TRIM49: variants seen among roughly 807,000 people sequenced by gnomAD.
The protein encoded by TRIM49 is tripartite motif-containing protein 49.
A neutral mutation model predicts 27.4 loss-of-function variants in TRIM49; 5 were observed. The ratio of observed to expected loss-of-function variants is 0.18; its 90% confidence interval spans 0.10 to 0.38. TRIM49 has a LOEUF of 0.38. Among genes scored for constraint, TRIM49 ranks in the 10% least tolerant of loss-of-function variants. The pLI is 1.00. For synonymous variants in TRIM49, 69 were observed against 166.0 expected, an observed-to-expected ratio of 0.42 and a Z score of 4.49; for missense variants, 188 against 487.5, an observed-to-expected ratio of 0.39 and a Z score of 5.79.
chr11:89,800,599 C>T (rs1464497884), intron 6 of TRIM49, among the ~76,000 whole-genome samples: 5 of 150,198 alleles, frequency 3.3e-5, no homozygotes, highest in Non-Finnish European at 5.9e-5. Context: ...AAAAATTAGC[C>T]GGGTGTGGTG....
At chr11:89,791,547 G>A in the TRIM49 span, among the ~76,000 whole-genome samples, 49 of 150,714 alleles carry the variant, frequency 3.3e-4, no homozygotes, top group African/African-American at 1.1e-3. Context: ...CAGAGCTCTC[G>A]GCAGAAACTC....
chr11:89,770,782 C>G, the TRIM49 span, among the ~76,000 whole-genome samples: 1 of 143,700 alleles, frequency 7.0e-6, no homozygotes, highest in African/African-American at 2.8e-5. Context: ...AGGAGAATGG[C>G]GTGAACCCGG....
At chr11:89,797,099 T>C (rs1359794026), downstream of TRIM49, among the ~76,000 whole-genome samples, 1 of 152,070 alleles carries the variant, frequency 6.6e-6, no homozygotes, top group Admixed American at 6.5e-5. Flanking sequence ...GTACAACTGG[T>C]GGATTAATTC....
chr11:89,790,242 T>C, the TRIM49 span, among the ~76,000 whole-genome samples: 1 of 135,398 alleles, frequency 7.4e-6, no homozygotes, highest in Non-Finnish European at 1.6e-5. Flanking sequence ...CTTGAGTATG[T>C]AAACAAAGTG....
chr11:89,795,653 T>G (rs1267635361), downstream of TRIM49, among the ~76,000 whole-genome samples: 17 of 127,254 alleles, frequency 1.3e-4, no homozygotes, highest in Admixed American at 1.4e-3. Flanking sequence ...AAACGAACAG[T>G]GCATATTCTC....
Position 89,801,007 on chromosome 11 carries a change from A to T in TRIM49, c.739-19T>A, listed in dbSNP as rs774210626. On this transcript the variant is annotated intron_variant, in intron 5 of 7. Transcript: ENST00000329758. ...CAAAAGCCTGAAAAAAAAAAAAAGAAGAAAGATTTAGTGCATTTCACAAGA... is the reference window on the plus strand; with the variant it reads ...CAAAAGCCTGAAAAAAAAAAAAAGATGAAAGATTTAGTGCATTTCACAAGA... The T allele has an allele frequency of 4.9e-5, 65 of 1,336,744 alleles. 3 individuals carry two copies. In the African/African-American group the frequency reaches 8.1e-4, roughly 17 times the overall value. The allele number at this position is 1,336,744 out of a possible 1,614,324, so 82.8% of individuals were successfully genotyped here.
At chr11:89,783,668 T>C in the TRIM49 span, among the ~76,000 whole-genome samples, 2 of 144,632 alleles carry the variant, frequency 1.4e-5, no homozygotes, top group South Asian at 4.3e-4. Flanking sequence ...TAAACCTTCC[T>C]ATGCAGTAGA....
chr11:89,804,867 GC>G (rs1459423970), intron 2 of TRIM49, among the ~76,000 whole-genome samples: 2 of 151,134 alleles, frequency 1.3e-5, no homozygotes, highest in Non-Finnish European at 2.9e-5. Flanking sequence ...AACTACCCGG[GC>G]CAAAGAAATA....
At chr11:89,799,963 T>A (rs1420225212) in intron 6 of TRIM49, 150 bp from the exon 7 acceptor site, 1 of 613,290 alleles carries the variant, frequency 1.6e-6, no homozygotes, top group Non-Finnish European at 2.9e-6. Context: ...ATTAATTCTT[T>A]ACAGTTTCTA....
At chr11:89,784,001 C>G in the TRIM49 span, among the ~76,000 whole-genome samples, 4 of 141,212 alleles carry the variant, frequency 2.8e-5, no homozygotes, top group Non-Finnish European at 4.5e-5. Context: ...AAGGAAATCA[C>G]CTGGTGTTTT....
At chr11:89,802,928 T>C (rs1009949976) in intron 4 of TRIM49, among the ~76,000 whole-genome samples, 1 of 150,004 alleles carries the variant, frequency 6.7e-6, no homozygotes, top group Admixed American at 6.6e-5. Context: ...AGGACAAAGG[T>C]GCTTCCTTTC....
the TRIM49 span, among the ~76,000 whole-genome samples, chr11:89,790,680 C>T: frequency 6.6e-6 from 1 of 152,020 alleles, no homozygotes; most frequent in Admixed American, 6.5e-5. Context: ...AGACCTGCAG[C>T]TGAGGGTCCT....
intron 4 of TRIM49, among the ~76,000 whole-genome samples, chr11:89,802,321 A>C (rs1210476168): frequency 6.6e-6 from 1 of 150,742 alleles, no homozygotes; most frequent in Non-Finnish European, 1.5e-5. Flanking sequence ...TAAACTCATT[A>C]TATGAAAATG....
chr11:89,774,054 G>T, the TRIM49 span, among the ~76,000 whole-genome samples: 2 of 145,824 alleles, frequency 1.4e-5, no homozygotes, highest in Admixed American at 6.6e-5. Flanking sequence ...AGGCTGGAGT[G>T]CAGTGGTGCT....
At chr11:89,766,562 T>C in the TRIM49 span, 222 of 666,984 alleles carry the variant, frequency 3.3e-4, 19 homozygotes, top group African/African-American at 5.0e-3. Flanking sequence ...GTATATGGAG[T>C]TCCCGAACAG....
chr11:89,804,370 A>C lies in TRIM49; in HGVS notation c.100T>G (p.Phe34Val), dbSNP rs760728447. ...DPVTIDCGHS[F>V]CRPCFYLNWQ... ...TTGAGGTAGAAACAAGGCCTGCAAA[A>C]GCTGTGCCCACAGTCTATGGTGACC... The change falls in exon 3 of 8, where the codon TTT becomes GTT. Residue 34 changes from phenylalanine (F) to valine (V), a missense_variant. By Grantham distance (50) the Phe-to-Val change is conservative. Coordinates refer to ENST00000329758, the MANE Select transcript of TRIM49 (RefSeq NM_020358.2). 6.2e-7 allele frequency: 1 copy of C among 1,610,798 alleles called. No homozygotes were observed. Among genetic ancestry groups the C allele is most frequent in the Non-Finnish European group, 8.5e-7 (1 of 1,178,998 alleles).
chr11:89,791,788 C>T, the TRIM49 span, among the ~76,000 whole-genome samples: 3 of 152,198 alleles, frequency 2.0e-5, 1 homozygote, highest in Admixed American at 2.0e-4. Context: ...ACTGCAAAAA[C>T]ATGCCAAATT....
downstream of TRIM49, among the ~76,000 whole-genome samples, chr11:89,794,334 T>C (rs1174089818): frequency 7.4e-4 from 90 of 121,170 alleles, no homozygotes; most frequent in Middle Eastern, 4.2e-3. Context: ...ATAGATTCAA[T>C]GCCATCCCCA....
At chr11:89,792,644 A>G in the TRIM49 span, among the ~76,000 whole-genome samples, 2 of 152,132 alleles carry the variant, frequency 1.3e-5, no homozygotes, top group Non-Finnish European at 2.9e-5. Flanking sequence ...CTGAATGACT[A>G]CCGGGTACAT....
Sources: allele counts gnomAD v4.1 joint callset (sites outside exome capture counted in the v4.1 genomes callset), GRCh38; gene constraint gnomAD v4.1.1; transcripts MANE v1.5; gene names NCBI Gene and HGNC (gene_info 2026-07-23, HGNC 2026-07-21).